KDM5A: variants seen among roughly 807,000 people sequenced by gnomAD.
KDM5A encodes the protein lysine demethylase 5A, also known as lysine-specific demethylase 5A.
KDM5A carries 42 observed loss-of-function variants against 193.5 expected under a neutral mutation model. The observed-to-expected ratio is 0.22, with a 90% CI of 0.17 to 0.28. KDM5A has a LOEUF of 0.28. Among genes scored for constraint, KDM5A ranks in the 10% least tolerant of loss-of-function variants. The probability of loss-of-function intolerance (pLI) is 1.00; values close to 1 mark genes in which losing one functional copy is unlikely to be tolerated. For synonymous variants in KDM5A, 796 were observed against 718.1 expected, an observed-to-expected ratio of 1.11 and a Z score of -1.73; for missense variants, 1,692 against 2,055.1, an observed-to-expected ratio of 0.82 and a Z score of 3.42.
Position 285,326 on chromosome 12 carries a change from A to G in KDM5A, c.*130T>C. 1 of 760,722 alleles carries G rather than the reference A, an allele frequency of 1.3e-6. No homozygotes were observed. Among genetic ancestry groups the G allele is most frequent in the East Asian group, 2.6e-5 (1 of 38,334 alleles). 47.1% of individuals were successfully genotyped at this position (760,722 alleles called of 1,614,324 possible). A position where few individuals can be genotyped will look rare whatever the true frequency, so the allele number is the denominator to read the frequency against. Reference sequence around the variant, plus strand: ...TCCATGCAAAGAGGAAGCCAGCACTAAGGGGACTTTCTCTGAAGGCCATTC... The same window carrying G: ...TCCATGCAAAGAGGAAGCCAGCACTGAGGGGACTTTCTCTGAAGGCCATTC... On this transcript the variant is annotated 3_prime_UTR_variant, in exon 28 of 28. Coordinates refer to ENST00000399788, the MANE Select transcript of KDM5A (RefSeq NM_001042603.3).
chr12:386,418 T>C (rs916073567), intron 1 of KDM5A, among the ~76,000 whole-genome samples: 13 of 152,346 alleles, frequency 8.5e-5, no homozygotes, highest in African/African-American at 2.9e-4. Flanking sequence ...TGTGGACAAT[T>C]TGTGGTTGTC....
chr12:294,180 A>G (rs1027728183), intron 26 of KDM5A, among the ~76,000 whole-genome samples: 2 of 152,216 alleles, frequency 1.3e-5, no homozygotes, highest in Admixed American at 1.3e-4. Flanking sequence ...TCATGTGACA[A>G]AGCAAAAAAA....
At chr12:291,391 G>A (rs1943292335) in intron 27 of KDM5A, among the ~76,000 whole-genome samples, 1 of 152,118 alleles carries the variant, frequency 6.6e-6, no homozygotes, top group Non-Finnish European at 1.5e-5. Flanking sequence ...TTATTGATGG[G>A]GTAAGGTGTT....
intron 12 of KDM5A, 76 bp from the exon 13 acceptor site, chr12:332,014 A>G (rs1191673356): frequency 7.6e-7 from 1 of 1,322,704 alleles, no homozygotes; most frequent in African/African-American, 1.5e-5. Context: ...ATTTTATTAG[A>G]TAATTTCAGA....
In KDM5A at chr12:318,108, T is replaced by G; in HGVS notation, c.2895A>C (p.Ala965=). The change falls in exon 19 of 28, where the codon GCA becomes GCC. Residue 965 remains alanine (A), a splice_region_variant and synonymous_variant. Transcript: ENST00000399788. The part of the protein sequence containing the change: ...WEEKAKVCLQ[A]RPRHSVASLE... ...AACTGTCACCAAAATGTGTTCACCT[T>G]GCCTGTAGGCAGACCTTAGCCTTTT... 1.2e-6 allele frequency: 2 copies of G among 1,613,384 alleles called. No homozygotes were observed. Among genetic ancestry groups the G allele is most frequent in the Non-Finnish European group, 1.7e-6 (2 of 1,179,234 alleles).
At chr12:352,116 A>G (rs1454593368) in intron 9 of KDM5A, 89 bp downstream of exon 9, 2 of 928,300 alleles carry the variant, frequency 2.2e-6, no homozygotes, top group African/African-American at 3.5e-5. Context: ...AAAAAAAAAA[A>G]AAAAAAAAAA....
chr12:370,155 G>T (rs1477978246), intron 3 of KDM5A, among the ~76,000 whole-genome samples: 1 of 152,186 alleles, frequency 6.6e-6, no homozygotes, highest in African/African-American at 2.4e-5. Flanking sequence ...TACTTTGGGA[G>T]GCCGAGGCAG....
chr12:283,062 C>T lies in KDM5A; in HGVS notation c.*2394G>A. ...TAAGTTTCAAAACGTCAGAAGGTGACAGGAAGCTATTCATACTTTCTCAGC... is the reference window on the plus strand; with the variant it reads ...TAAGTTTCAAAACGTCAGAAGGTGATAGGAAGCTATTCATACTTTCTCAGC... On this transcript the variant is annotated 3_prime_UTR_variant, in exon 28 of 28. Transcript: ENST00000399788. 1 of 231,390 alleles carries T rather than the reference C, an allele frequency of 4.3e-6. No individual in the cohort carries two copies. Among genetic ancestry groups the T allele is most frequent in the Middle Eastern group, 1.3e-3 (1 of 774 alleles). The allele number at this position is 231,390 out of a possible 1,614,324, so 14.3% of individuals were successfully genotyped here. A position where few individuals can be genotyped will look rare whatever the true frequency, so the allele number is the denominator to read the frequency against.
chr12:371,554 T>A (rs971110282), intron 3 of KDM5A, among the ~76,000 whole-genome samples: 1 of 152,172 alleles, frequency 6.6e-6, no homozygotes, highest in Non-Finnish European at 1.5e-5. Context: ...CTTCTGTAGG[T>A]TGCTTGTTTA....
chr12:280,579 A>C lies in KDM5A; in HGVS notation c.*4877T>G, dbSNP rs986891514. The C allele has an allele frequency of 8.6e-6, 2 of 233,152 alleles. No individual in the cohort carries two copies. Among genetic ancestry groups the C allele is most frequent in the Non-Finnish European group, 1.7e-5 (2 of 117,976 alleles). 14.4% of individuals were successfully genotyped at this position (233,152 alleles called of 1,614,324 possible). A position where few individuals can be genotyped will look rare whatever the true frequency, so the allele number is the denominator to read the frequency against. On this transcript the variant is annotated 3_prime_UTR_variant, in exon 28 of 28. Transcript: ENST00000399788. ...CATTTTCAGAAATGATCCGTCCTTC[A>C]TATCTGCATAAGCTGGGATCCTTGG...
chr12:329,638 G>C (rs1383880599), intron 13 of KDM5A, among the ~76,000 whole-genome samples: 1 of 151,986 alleles, frequency 6.6e-6, no homozygotes, highest in Non-Finnish European at 1.5e-5. Context: ...CTGGCAGAAA[G>C]ATAATTCAAA....
chr12:383,516 C>T (rs1464298706), intron 3 of KDM5A, among the ~76,000 whole-genome samples: 2 of 151,140 alleles, frequency 1.3e-5, no homozygotes, highest in South Asian at 2.1e-4. Context: ...CGTGCCTGGC[C>T]CAAATTTTCA....
intron 2 of KDM5A, among the ~76,000 whole-genome samples, chr12:385,031 A>ATTTT (rs1944622964): frequency 6.6e-6 from 1 of 152,136 alleles, no homozygotes; most frequent in Non-Finnish European, 1.5e-5. Context: ...CTCTACTAAA[A>ATTTT]ATACAAAAAT....
At chr12:333,219 G>T (rs1425286020) in intron 12 of KDM5A, 3 of 461,682 alleles carry the variant, frequency 6.5e-6, no homozygotes, top group Non-Finnish European at 1.2e-5. Context: ...AGGAGTTCGA[G>T]ACCAACCTGG....
intron 4 of KDM5A, among the ~76,000 whole-genome samples, chr12:364,368 T>C (rs1209149067): frequency 6.6e-6 from 1 of 151,466 alleles, no homozygotes; most frequent in Non-Finnish European, 1.5e-5. Context: ...ACTACTCTAC[T>C]CAGGAGGCTG....
In KDM5A at chr12:285,075, C is replaced by T. The variant is rs1565520899; in HGVS notation, c.*381G>A. The T allele has an allele frequency of 3.2e-6, 1 of 311,192 alleles. No homozygotes were observed. The highest frequency in any genetic ancestry group is 4.7e-5 in the East Asian group (1 of 21,406). The allele number at this position is 311,192 out of a possible 1,614,324, so 19.3% of individuals were successfully genotyped here. ...CAATTAGCACCTTCAGTTGGTGCTG[C>T]TCCTAAGTTGTAAGCCTCTAACTAC... On this transcript the variant is annotated 3_prime_UTR_variant, in exon 28 of 28. Transcript: ENST00000399788.
Position 323,221 on chromosome 12 carries a change from A to AAAAAAAAAAAAAAAAAAAG in KDM5A, c.2151-34_2151-16dup. 6.8e-7 allele frequency: 1 copy of AAAAAAAAAAAAAAAAAAAG among 1,468,156 alleles called. No individual in the cohort carries two copies. The highest frequency in any genetic ancestry group is 2.3e-5 in the Admixed American group (1 of 44,008). 90.9% of individuals were successfully genotyped at this position (1,468,156 alleles called of 1,614,324 possible). On this transcript the variant is annotated splice_polypyrimidine_tract_variant and intron_variant, in intron 15 of 27. Coordinates refer to ENST00000399788, the MANE Select transcript of KDM5A (RefSeq NM_001042603.3). The stretch of plus-strand genomic sequence containing the variant: ...GGTAGCGATATCTACAAAAAAAAAA[A>AAAAAAAAAAAAAAAAAAAG]AAAAAAAAAAAAAAAAAAGAAAACA...
chr12:359,325 T>C (rs1302303055), intron 5 of KDM5A, among the ~76,000 whole-genome samples: 1 of 152,186 alleles, frequency 6.6e-6, no homozygotes, highest in African/African-American at 2.4e-5. Flanking sequence ...CTAAATACCA[T>C]TTCAAATACA....
At chr12:338,674 T>C (rs985803764) in intron 10 of KDM5A, among the ~76,000 whole-genome samples, 1 of 152,148 alleles carries the variant, frequency 6.6e-6, no homozygotes, top group Non-Finnish European at 1.5e-5. Context: ...CAGTATCATC[T>C]CAACATGTGA....
Sources: allele counts gnomAD v4.1 joint callset (sites outside exome capture counted in the v4.1 genomes callset), GRCh38; gene constraint gnomAD v4.1.1; transcripts MANE v1.5; gene names NCBI Gene and HGNC (gene_info 2026-07-23, HGNC 2026-07-21).